Variants in CEACAM5 observed in about 807,000 individuals in gnomAD.
CEACAM5 encodes CEA cell adhesion molecule 5, also known as cell adhesion molecule CEACAM5.
CEACAM5 carries 52 observed loss-of-function variants against 63.0 expected under a neutral mutation model. The ratio of observed to expected loss-of-function variants is 0.83; its 90% CI spans 0.66 to 1.04. The LOEUF (loss-of-function observed/expected upper bound fraction) is 1.04. Among genes scored for constraint, CEACAM5 ranks in the 50% least tolerant of loss-of-function variants. The probability of loss-of-function intolerance (pLI) is 0.00; values close to 1 mark genes in which losing one functional copy is unlikely to be tolerated. For synonymous variants in CEACAM5, 357 were observed against 351.3 expected, an observed-to-expected ratio of 1.02 and a Z score of -0.18; for missense variants, 790 against 864.8, an observed-to-expected ratio of 0.91 and a Z score of 1.08.
Position 41,715,735 on chromosome 19 carries a change from T to C in CEACAM5, c.789T>C (p.Ser263=). 1 of 1,614,184 alleles carries C rather than the reference T, an allele frequency of 6.2e-7. No individual in the cohort carries two copies. Among genetic ancestry groups the C allele is most frequent in the African/African-American group, 1.3e-5 (1 of 75,036 alleles). Residue 263 remains serine, a synonymous_variant, in exon 4 of 10, where the codon TCT becomes TCC. Transcript: ENST00000221992. ...TGAACCTCTCCTGCCACGCAGCCTC[T>C]AACCCACCTGCACAGTACTCTTGGT... ...ENLNLSCHAA[S]NPPAQYSWFV...
rs368871638 is a variant in CEACAM5, at chr19:41,713,717, A to G, written c.425-1254A>G. The stretch of plus-strand genomic sequence containing the variant: ...CTTATTTCATTTAGCATAATGTCCA[A>G]TGGGAGAAAATAATTGCAAAACTTC... On this transcript the variant is annotated intron_variant, in intron 2 of 9. Coordinates refer to ENST00000221992, the MANE Select transcript of CEACAM5 (RefSeq NM_004363.6). 4.6e-5 allele frequency among the ~76,000 whole-genome samples: 7 copies of G among 152,324 alleles called. No homozygotes were observed. The East Asian group carries it at 1.3e-3, about 29-fold the overall frequency.
chr19:41,708,638 GACAGCAGACCAGACAGTC>G lies in CEACAM5; in HGVS notation c.-86_-69del. ...AGAGACTCAGGGCAGAGGGAGGAAG[GACAGCAGACCAGACAGTC>G]ACAGCAGCCTTGACAAAACGTTCCT... On this transcript the variant is annotated 5_prime_UTR_variant, in exon 1 of 10. Coordinates refer to ENST00000221992, the MANE Select transcript of CEACAM5 (RefSeq NM_004363.6). 1.8e-6 allele frequency: 2 copies of G among 1,104,326 alleles called. No homozygotes were observed. The highest frequency in any genetic ancestry group is 2.7e-6 in the Non-Finnish European group (2 of 736,948). The allele number at this position is 1,104,326 out of a possible 1,614,324, so 68.4% of individuals were successfully genotyped here. A position where few individuals can be genotyped will look rare whatever the true frequency, so the allele number is the denominator to read the frequency against.
At chr19:41,728,702 G>T (rs1478774736) in intron 9 of CEACAM5, among the ~76,000 whole-genome samples, 1 of 151,072 alleles carries the variant, frequency 6.6e-6, no homozygotes, top group Non-Finnish European at 1.5e-5. Flanking sequence ...CAGGAGAATC[G>T]CTTGAACCCG....
At chr19:41,716,874 A>G (rs2072534966) in intron 4 of CEACAM5, among the ~76,000 whole-genome samples, 1 of 152,108 alleles carries the variant, frequency 6.6e-6, no homozygotes, top group Admixed American at 6.5e-5. Context: ...CTTCCTCCCA[A>G]AATGAAACTC....
At chr19:41,718,406 G>A (rs1426799724) in intron 6 of CEACAM5, 24 bp downstream of exon 6, 1 of 1,611,598 alleles carries the variant, frequency 6.2e-7, no homozygotes, top group African/African-American at 1.3e-5. Flanking sequence ...TGGACCGTTA[G>A]CAATATGTTC....
chr19:41,718,315 T>C lies in CEACAM5; in HGVS notation c.1425T>C (p.Tyr475=). The C allele has an allele frequency of 6.2e-7, 1 of 1,614,160 alleles. No homozygotes were observed. The highest frequency in any genetic ancestry group is 8.5e-7 in the Non-Finnish European group (1 of 1,180,032). The stretch of plus-strand genomic sequence containing the variant: ...TCACTGAGAAGAACAGCGGACTCTA[T>C]ACCTGCCAGGCCAATAACTCAGCCA... ...SNITEKNSGL[Y]TCQANNSASG... is the part of the protein sequence containing the mutation. Residue 475 remains tyrosine (Y), a synonymous_variant, in exon 6 of 10, where the codon TAT becomes TAC. Coordinates refer to ENST00000221992, the MANE Select transcript of CEACAM5 (RefSeq NM_004363.6).
At chr19:41,717,185 A>AC in intron 4 of CEACAM5, among the ~76,000 whole-genome samples, 1 of 152,182 alleles carries the variant, frequency 6.6e-6, no homozygotes, top group South Asian at 2.1e-4. Flanking sequence ...GGGGGCTGTG[A>AC]CCCCCAGCCC....
chr19:41,719,381 C>T (rs555008387), intron 6 of CEACAM5, among the ~76,000 whole-genome samples: 66 of 152,246 alleles, frequency 4.3e-4, no homozygotes, highest in Non-Finnish European at 6.6e-4. Context: ...AACTCTGTTC[C>T]CATCAAACTC....
At chr19:41,713,592 C>T (rs1203393281) in intron 2 of CEACAM5, among the ~76,000 whole-genome samples, 1 of 152,224 alleles carries the variant, frequency 6.6e-6, no homozygotes, top group Admixed American at 6.5e-5. Flanking sequence ...CCCCAGTTCC[C>T]AGGCTTTGAC....
At chr19:41,715,320 A>T in intron 3 of CEACAM5, 71 bp downstream of exon 3, 1 of 1,592,850 alleles carries the variant, frequency 6.3e-7, no homozygotes, top group Non-Finnish European at 8.6e-7. Flanking sequence ...AGGATTTCTC[A>T]GTCCCTCTCA....
chr19:41,712,100 C>T (rs943309610), intron 2 of CEACAM5, among the ~76,000 whole-genome samples: 2 of 152,158 alleles, frequency 1.3e-5, no homozygotes, highest in Admixed American at 1.3e-4. Flanking sequence ...ACTGACTCAC[C>T]AGGGGGTCAG....
chr19:41,723,789 T>A (rs1252229805), intron 8 of CEACAM5, among the ~76,000 whole-genome samples: 1 of 151,500 alleles, frequency 6.6e-6, no homozygotes, highest in African/African-American at 2.4e-5. Context: ...CTACTAAAAA[T>A]ACAAAAAAAA....
At position 41,718,187 on chromosome 19, in the gene CEACAM5, C is replaced by G; in HGVS notation, c.1297C>G (p.Leu433Val). 1 of 1,614,210 alleles carries G rather than the reference C, an allele frequency of 6.2e-7. No homozygotes were observed. The highest frequency in any genetic ancestry group is 8.5e-7 in the Non-Finnish European group (1 of 1,180,030). The change falls in exon 6 of 10, where the codon CTC becomes GTC. Residue 433 changes from leucine (L) to valine (V), a missense_variant. Physicochemically the swap from Leu to Val is conservative, Grantham distance 32. Coordinates refer to ENST00000221992, the MANE Select transcript of CEACAM5 (RefSeq NM_004363.6). ...SYTYYRPGVNLSLSCHAASNP... is the reference protein window; with the variant it reads ...SYTYYRPGVNVSLSCHAASNP... Reference sequence around the variant, plus strand: ...CACCTATTACCGTCCAGGGGTGAACCTCAGCCTCTCCTGCCATGCAGCCTC... The same window carrying G: ...CACCTATTACCGTCCAGGGGTGAACGTCAGCCTCTCCTGCCATGCAGCCTC...
At chr19:41,715,413 C>A in intron 3 of CEACAM5, 164 bp downstream of exon 3, 1 of 1,228,560 alleles carries the variant, frequency 8.1e-7, no homozygotes, top group Non-Finnish European at 1.2e-6. Flanking sequence ...CAGACCAAGT[C>A]TTGACCAAGA....
At chr19:41,723,835 G>A (rs1369178266) in intron 8 of CEACAM5, among the ~76,000 whole-genome samples, 3 of 151,192 alleles carry the variant, frequency 2.0e-5, no homozygotes, top group African/African-American at 7.3e-5. Flanking sequence ...TGTAGTCCCA[G>A]CTACTCAAGA....
chr19:41,728,271 G>A lies in CEACAM5; in HGVS notation c.*37-913G>A, dbSNP rs114039019. On this transcript the variant is annotated intron_variant, in intron 9 of 9. Transcript: ENST00000221992. ...TCACAAGAAATTAGAGAAATCTGAC[G>A]GAAAATATAGCTACACATTGGAATC... 5.9e-4 allele frequency among the ~76,000 whole-genome samples: 90 copies of A among 152,184 alleles called. 1 individual carries two copies. The highest frequency in any genetic ancestry group is 1.7e-3 in the African/African-American group (70 of 41,514).
At chr19:41,711,366 G>A (rs960302520) in intron 2 of CEACAM5, among the ~76,000 whole-genome samples, 3 of 152,152 alleles carry the variant, frequency 2.0e-5, no homozygotes, top group African/African-American at 7.2e-5. Context: ...CTCACACCCT[G>A]TGCCAACAGA....
In CEACAM5 at chr19:41,722,894, TG is replaced by T. The variant is rs201432680; in HGVS notation, c.2026+1719del. ...TAGATCAAATGTTAATTCTTTTTTT[TG>T]TTTGTTTGTTTGTTTGTTTGTTTGT... is the stretch of plus-strand genomic sequence containing the variant. On this transcript the variant is annotated intron_variant, in intron 8 of 9. Transcript: ENST00000221992. Among the ~76,000 whole-genome samples, 960 of 147,852 alleles carry T rather than the reference TG, an allele frequency of 6.5e-3. 11 individuals carry two copies. Among genetic ancestry groups the T allele is most frequent in the African/African-American group, 0.024 (919 of 37,892 alleles).
At chr19:41,718,423 G>A (rs375131579) in intron 6 of CEACAM5, 41 bp downstream of exon 6, 47 of 1,598,036 alleles carry the variant, frequency 2.9e-5, no homozygotes, top group East Asian at 6.7e-5. Context: ...GTTCTGGAGC[G>A]GAATCTGTCT....
Sources: gnomAD v4.1 joint callset for allele counts (sites outside exome capture counted in the v4.1 genomes callset) on GRCh38, gnomAD v4.1.1 for gene constraint, MANE v1.5 for transcripts, NCBI Gene and HGNC (gene_info 2026-07-23, HGNC 2026-07-21) for gene names.